Variants in CFAP161 observed in about 807,000 individuals in gnomAD.
CFAP161 encodes cilia and flagella associated protein 161.
CFAP161 carries 25 observed loss-of-function variants against 29.0 expected under a neutral mutation model. That is an observed-to-expected ratio of 0.86 (90% CI 0.63 to 1.20). The LOEUF is 1.20. CFAP161 is among the 50% of genes most tolerant of loss of function. The pLI is 0.00. For missense variants in CFAP161, 367 were observed against 371.9 expected, an observed-to-expected ratio of 0.99 and a Z score of 0.11; for synonymous variants, 116 against 137.4, an observed-to-expected ratio of 0.84 and a Z score of 1.09.
chr15:81,104,249 C>T (rs575922664), intron 1 of CFAP161, among the ~76,000 whole-genome samples: 18 of 152,308 alleles, frequency 1.2e-4, no homozygotes, highest in African/African-American at 3.8e-4. Context: ...GGGACTGGTT[C>T]AGTCAAATGC....
chr15:81,125,066 A>G (rs2683244), intron 1 of CFAP161, among the ~76,000 whole-genome samples: 86,120 of 150,854 alleles, frequency 0.57, 25,853 homozygotes, highest in Non-Finnish European at 0.68. Flanking sequence ...CATAACTTTA[A>G]GATTTCCAAT....
chr15:81,146,240 G>A (rs1024860616), intron 5 of CFAP161, among the ~76,000 whole-genome samples: 4 of 152,152 alleles, frequency 2.6e-5, no homozygotes, highest in Admixed American at 6.5e-5. Flanking sequence ...GGATGGCAGG[G>A]CTGCCTTTTC....
rs768588058 is a variant in CFAP161 at position 81,143,815 on chromosome 15, G to A, written c.631G>A (p.Val211Ile). The A allele has an allele frequency of 1.9e-5, 31 of 1,613,740 alleles. No homozygotes were observed. The highest frequency in any genetic ancestry group is 3.3e-4 in the Middle Eastern group (2 of 6,068). The change falls in exon 5 of 7, where the codon GTC becomes ATC. Residue 211 changes from valine (V) to isoleucine (I), a missense_variant. Physicochemically the swap from Val to Ile is conservative, Grantham distance 29. Coordinates refer to ENST00000286732, the MANE Select transcript of CFAP161 (RefSeq NM_173528.4). ...QLRLEYEGFP[V>I]PANAKILINH... Reference sequence around the variant, plus strand: ...ACGCCTGGAATATGAAGGCTTCCCCGTCCCGGTGAGTGCAGCATCGGGAAG... The same window carrying A: ...ACGCCTGGAATATGAAGGCTTCCCCATCCCGGTGAGTGCAGCATCGGGAAG...
chr15:81,127,080 G>A (rs962174026), intron 1 of CFAP161, among the ~76,000 whole-genome samples: 1 of 152,174 alleles, frequency 6.6e-6, no homozygotes, highest in Non-Finnish European at 1.5e-5. Flanking sequence ...TATGTAGCTG[G>A]CTGGAGTCCC....
At chr15:81,147,247 C>G (rs1038565221) in intron 5 of CFAP161, among the ~76,000 whole-genome samples, 1 of 152,010 alleles carries the variant, frequency 6.6e-6, no homozygotes, top group Non-Finnish European at 1.5e-5. Flanking sequence ...TTTATTTACC[C>G]TCCTTTTTTG....
At chr15:81,120,151 G>A (rs1210867915) in intron 1 of CFAP161, among the ~76,000 whole-genome samples, 1 of 152,170 alleles carries the variant, frequency 6.6e-6, no homozygotes, top group Admixed American at 6.5e-5. Flanking sequence ...CTCCTGTAGT[G>A]TGATTGCTCT....
At chr15:81,108,391 CA>C (rs1313291148) in intron 1 of CFAP161, among the ~76,000 whole-genome samples, 2 of 151,370 alleles carry the variant, frequency 1.3e-5, no homozygotes, top group Non-Finnish European at 2.9e-5. Flanking sequence ...CAATGAGAAT[CA>C]GATGAGTGTT....
chr15:81,101,693 C>T (rs1455541474), intron 1 of CFAP161, among the ~76,000 whole-genome samples: 1 of 152,180 alleles, frequency 6.6e-6, no homozygotes, highest in African/African-American at 2.4e-5. Flanking sequence ...CATTAACACT[C>T]AAAGAGCCAG....
intron 3 of CFAP161, 82 bp downstream of exon 3, chr15:81,136,830 A>T: frequency 8.6e-7 from 1 of 1,161,592 alleles, no homozygotes; most frequent in Non-Finnish European, 1.2e-6. Context: ...TATTGGAGCC[A>T]CTGAGTGGAG....
chr15:81,113,002 T>C (rs916392134), intron 1 of CFAP161, among the ~76,000 whole-genome samples: 6 of 152,188 alleles, frequency 3.9e-5, no homozygotes, highest in African/African-American at 1.4e-4. Flanking sequence ...GGAATGTAAA[T>C]TTAAAACTTG....
At chr15:81,104,433 C>T (rs1894338008) in intron 1 of CFAP161, among the ~76,000 whole-genome samples, 1 of 152,172 alleles carries the variant, frequency 6.6e-6, no homozygotes, top group Non-Finnish European at 1.5e-5. Context: ...CAGGAGCGGG[C>T]CAAAGTTCTG....
intron 4 of CFAP161, among the ~76,000 whole-genome samples, chr15:81,139,034 G>C (rs1196327894): frequency 2.0e-5 from 3 of 152,148 alleles, no homozygotes; most frequent in Non-Finnish European, 2.9e-5. Flanking sequence ...GGGTGCAGCG[G>C]CTCATGCCTG....
intron 1 of CFAP161, among the ~76,000 whole-genome samples, chr15:81,119,531 C>T (rs968185706): frequency 6.6e-5 from 10 of 151,294 alleles, no homozygotes; most frequent in Non-Finnish European, 2.9e-5. Context: ...AATAGCATAC[C>T]CATAATTGTA....
At chr15:81,131,110 C>T (rs1894705254), upstream of CFAP161, among the ~76,000 whole-genome samples, 1 of 143,166 alleles carries the variant, frequency 7.0e-6, no homozygotes, top group South Asian at 2.2e-4. Context: ...TTGCCTGATG[C>T]AGGCTTGCCA....
upstream of CFAP161, among the ~76,000 whole-genome samples, chr15:81,132,672 A>G (rs1203717634): frequency 6.6e-6 from 1 of 152,224 alleles, no homozygotes; most frequent in Non-Finnish European, 1.5e-5. Flanking sequence ...GTATCAGTGT[A>G]AGGACTTACT....
chr15:81,132,853 T>G (rs1894730161), upstream of CFAP161, among the ~76,000 whole-genome samples: 1 of 152,136 alleles, frequency 6.6e-6, no homozygotes, highest in Non-Finnish European at 1.5e-5. Context: ...TTTTAGCAGT[T>G]TGAATTTAGA....
Position 81,138,131 on chromosome 15 carries a change from A to G in CFAP161, c.473A>G (p.Lys158Arg). Residue 158 changes from lysine (K) to arginine (R), a missense_variant, in exon 4 of 7, where the codon AAA (lysine) becomes AGA (arginine). Coordinates refer to ENST00000286732, the MANE Select transcript of CFAP161 (RefSeq NM_173528.4). ...GGGATAACAGGAGGATTTGACAACA[A>G]AATGGTGAGTTATCACTTTGCATAT... Reference protein sequence around the residue: ...CLGITGGFDNKMLYLSSDHRT... With the variant: ...CLGITGGFDNRMLYLSSDHRT... The G allele has an allele frequency of 6.2e-7, 1 of 1,608,150 alleles. No homozygotes were observed. Among genetic ancestry groups the G allele is most frequent in the Non-Finnish European group, 8.5e-7 (1 of 1,174,522 alleles).
chr15:81,129,206 G>T (rs1039363463), intron 2 of CFAP161, among the ~76,000 whole-genome samples: 2 of 151,964 alleles, frequency 1.3e-5, no homozygotes, highest in African/African-American at 4.8e-5. Flanking sequence ...GAACAAAGCT[G>T]CAAACAGATG....
intron 1 of CFAP161, among the ~76,000 whole-genome samples, chr15:81,116,295 T>G (rs1470158257): frequency 6.6e-6 from 1 of 152,128 alleles, no homozygotes; most frequent in Non-Finnish European, 1.5e-5. Context: ...TTTTATTTTA[T>G]TAAGAACAAA....
Sources: allele counts gnomAD v4.1 joint callset (sites outside exome capture counted in the v4.1 genomes callset), GRCh38; gene constraint gnomAD v4.1.1; transcripts MANE v1.5; gene names NCBI Gene and HGNC (gene_info 2026-07-23, HGNC 2026-07-21).